The following IPO11 variants were observed in gnomAD, a reference collection of about 807,000 sequenced individuals.
IPO11 encodes importin-11.
IPO11 carries 66 observed loss-of-function variants against 143.2 expected under a neutral mutation model. The ratio of observed to expected loss-of-function variants is 0.46; its 90% CI spans 0.38 to 0.57. The LOEUF (loss-of-function observed/expected upper bound fraction) is 0.57, where lower values mean the gene tolerates loss of function less well. Ranked by LOEUF, IPO11 falls within the 20% of genes least tolerant of loss-of-function variation. The pLI, the probability that IPO11 is intolerant of heterozygous loss-of-function variation, is 0.00. For missense variants in IPO11, 1,026 were observed against 1,141.0 expected, an observed-to-expected ratio of 0.90 and a Z score of 1.45; for synonymous variants, 385 against 377.8, an observed-to-expected ratio of 1.02 and a Z score of -0.22.
intron 1 of IPO11, among the ~76,000 whole-genome samples, chr5:62,421,397 G>A (rs1312658991): frequency 2.0e-5 from 3 of 152,188 alleles, no homozygotes; most frequent in African/African-American, 7.2e-5. Context: ...CAGATAGGCT[G>A]TGAACTTGAT....
At chr5:62,464,143 G>GTTTTTTT (rs34056674) in intron 5 of IPO11, among the ~76,000 whole-genome samples, 9 of 78,676 alleles carry the variant, frequency 1.1e-4, no homozygotes, top group Non-Finnish European at 1.9e-4. Context: ...GTTTTTGGTG[G>GTTTTTTT]TTTTTTTTTT....
In IPO11 at chr5:62,476,733, A is replaced by G; in HGVS notation, c.808A>G (p.Ile270Val). The G allele has an allele frequency of 6.6e-7, 1 of 1,523,328 alleles. No homozygotes were observed. The highest frequency in any genetic ancestry group is 8.8e-7 in the Non-Finnish European group (1 of 1,132,922). The allele number at this position is 1,523,328 out of a possible 1,614,324, so 94.4% of individuals were successfully genotyped here. The change falls in exon 9 of 30, where the codon ATC becomes GTC. Residue 270 changes from isoleucine (I) to valine (V), a missense_variant. Around this residue, in one of 5 missense-constraint regions of IPO11, gnomAD observed 429 missense variants for 456.3 expected, o/e 0.94. Transcript: ENST00000325324. ...NVCRDRLEKTIILFTKVLLDF... is the reference protein window; with the variant it reads ...NVCRDRLEKTVILFTKVLLDF... ...GTGTAGAGATAGACTGGAAAAGACC[A>G]TCATTCTTTTTACTAAAGTGGTAAG...
intron 29 of IPO11, among the ~76,000 whole-genome samples, chr5:62,624,374 T>C (rs536702917): frequency 6.6e-6 from 1 of 152,306 alleles, no homozygotes; most frequent in African/African-American, 2.4e-5. Context: ...AACTTCTGGA[T>C]GTTACCCTAT....
chr5:62,504,548 C>A (rs1561338947), intron 16 of IPO11, 119 bp from the exon 17 acceptor site: 3 of 617,884 alleles, frequency 4.9e-6, no homozygotes. Context: ...TTTACATGGT[C>A]TGTGACTCTA....
intron 1 of IPO11, among the ~76,000 whole-genome samples, chr5:62,435,861 T>G (rs1744210335): frequency 6.6e-6 from 1 of 151,930 alleles, no homozygotes; most frequent in Non-Finnish European, 1.5e-5. Context: ...AAACCCCGTC[T>G]CTACTAAAAA....
At chr5:62,566,966 T>G (rs1743965693) in intron 27 of IPO11, among the ~76,000 whole-genome samples, 1 of 152,170 alleles carries the variant, frequency 6.6e-6, no homozygotes, top group South Asian at 2.1e-4. Context: ...TAGCTGGGAC[T>G]ACAGGCATGG....
At chr5:62,500,673 T>A (rs1462622585) in intron 16 of IPO11, among the ~76,000 whole-genome samples, 2 of 152,076 alleles carry the variant, frequency 1.3e-5, no homozygotes, top group Non-Finnish European at 2.9e-5. Flanking sequence ...AATTCTTTGA[T>A]TTTTTTGTAG....
chr5:62,494,013 A>G lies in IPO11; in HGVS notation c.1479A>G (p.Arg493=), dbSNP rs1228119453. 1.9e-6 allele frequency: 3 copies of G among 1,612,732 alleles called. No individual in the cohort carries two copies. Among genetic ancestry groups the G allele is most frequent in the South Asian group, 1.1e-5 (1 of 90,782 alleles). Residue 493 remains arginine (R), a synonymous_variant, in exon 16 of 30, where the codon CGA becomes CGG. Transcript: ENST00000325324. ...QVIHNRYKPL[R]RRVIWLIGQW... is the part of the protein sequence containing the mutation. The stretch of plus-strand genomic sequence containing the variant: ...TCCTGTTTAGGTATAAGCCATTGCG[A>G]CGCAGGGTGATTTGGCTCATCGGTC...
At chr5:62,592,407 C>T (rs980051291) in intron 28 of IPO11, among the ~76,000 whole-genome samples, 2 of 151,968 alleles carry the variant, frequency 1.3e-5, no homozygotes, top group African/African-American at 2.4e-5. Flanking sequence ...TCTTATTAAA[C>T]ATATTAACAT....
chr5:62,450,041 T>G (rs941441549), intron 4 of IPO11, 42 bp downstream of exon 4: 1 of 1,299,628 alleles, frequency 7.7e-7, no homozygotes, highest in African/African-American at 1.5e-5. Flanking sequence ...TTATTTGTAC[T>G]GCTTTTCCAA....
chr5:62,538,943 T>C (rs142147515), intron 24 of IPO11, among the ~76,000 whole-genome samples: 1 of 152,354 alleles, frequency 6.6e-6, no homozygotes, highest in African/African-American at 2.4e-5. Context: ...GTTAGGATTG[T>C]CTGCTGAGCA....
intron 5 of IPO11, among the ~76,000 whole-genome samples, chr5:62,463,419 T>C (rs1339893497): frequency 6.6e-6 from 1 of 151,970 alleles, no homozygotes; most frequent in Non-Finnish European, 1.5e-5. Flanking sequence ...ATCCCAGCAC[T>C]TTGGGAGGCT....
At chr5:62,547,968 T>A (rs1164666895) in intron 24 of IPO11, among the ~76,000 whole-genome samples, 1 of 152,144 alleles carries the variant, frequency 6.6e-6, no homozygotes, top group Non-Finnish European at 1.5e-5. Context: ...AGACAACCAC[T>A]TTTAGTGCTT....
At position 62,489,311 on chromosome 5, in the gene IPO11, A is replaced by G; in HGVS notation, c.1319A>G (p.Asn440Ser). The G allele has an allele frequency of 1.3e-6, 2 of 1,555,282 alleles. No individual in the cohort carries two copies. The highest frequency in any genetic ancestry group is 1.7e-6 in the Non-Finnish European group (2 of 1,145,292). Residue 440 changes from asparagine (N) to serine (S), a missense_variant, in exon 14 of 30, where the codon AAT (asparagine) becomes AGT (serine). By Grantham distance (46) the Asn-to-Ser change is conservative (BLOSUM62 1). Coordinates refer to ENST00000325324, the MANE Select transcript of IPO11 (RefSeq NM_016338.5). Reference protein sequence around the residue: ...EMMQTLQGPTNVEDMNALLIK... With the variant: ...EMMQTLQGPTSVEDMNALLIK... ...TATATATATTTTTTAGGACCCACAA[A>G]TGTGGAAGATATGAATGCACTGTTA...
intron 2 of IPO11, among the ~76,000 whole-genome samples, chr5:62,439,284 GTTT>G (rs1226593063): frequency 1.1e-4 from 10 of 90,940 alleles, no homozygotes; most frequent in African/African-American, 4.4e-4. Flanking sequence ...AACTGCGTAG[GTTT>G]TTTTTTTTTT....
intron 29 of IPO11, among the ~76,000 whole-genome samples, chr5:62,614,881 G>A (rs1428273949): frequency 6.6e-6 from 1 of 152,164 alleles, no homozygotes; most frequent in East Asian, 1.9e-4. Context: ...GACTGGTGGA[G>A]GTGGCTCTCA....
At chr5:62,503,384 T>C (rs1741419441) in intron 16 of IPO11, among the ~76,000 whole-genome samples, 2 of 145,772 alleles carry the variant, frequency 1.4e-5, no homozygotes, top group African/African-American at 5.0e-5. Flanking sequence ...AATATATTAA[T>C]AGTATCTATT....
intron 2 of IPO11, among the ~76,000 whole-genome samples, chr5:62,440,086 G>A (rs552175505): frequency 6.6e-6 from 1 of 152,252 alleles, no homozygotes; most frequent in East Asian, 1.9e-4. Flanking sequence ...TTTCTGCTTT[G>A]CCAGGCACTG....
At chr5:62,530,888 C>A in intron 22 of IPO11, 103 bp downstream of exon 22, 1 of 842,456 alleles carries the variant, frequency 1.2e-6, no homozygotes, top group Non-Finnish European at 2.0e-6. Context: ...GTAAGTTCAA[C>A]TTCTAGTTTA....
Sources: gnomAD v4.1 joint callset for allele counts (sites outside exome capture counted in the v4.1 genomes callset) on GRCh38, gnomAD v4.1.1 for gene constraint, gnomAD v4.1.1 regional missense constraint, MANE v1.5 for transcripts, NCBI Gene and HGNC (gene_info 2026-07-23, HGNC 2026-07-21) for gene names.